Variants in LRP1B observed in about 807,000 individuals in gnomAD.
The protein encoded by LRP1B is low-density lipoprotein receptor-related protein 1B.
LRP1B carries 217 observed loss-of-function variants against 556.6 expected under a neutral mutation model. The ratio of observed to expected loss-of-function variants is 0.39; its 90% CI spans 0.35 to 0.44. The LOEUF (loss-of-function observed/expected upper bound fraction) is 0.44. LRP1B is among the 20% of genes least tolerant of loss of function. The probability of loss-of-function intolerance (pLI) is 1.00; values close to 1 mark genes in which losing one functional copy is unlikely to be tolerated. For missense variants in LRP1B, 5,053 were observed against 5,620.8 expected, an observed-to-expected ratio of 0.90 and a Z score of 3.23; for synonymous variants, 2,047 against 1,865.8, an observed-to-expected ratio of 1.10 and a Z score of -2.50.
At chr2:140,686,657 G>A (rs1015261916) in intron 41 of LRP1B, among the ~76,000 whole-genome samples, 4 of 151,916 alleles carry the variant, frequency 2.6e-5, no homozygotes, top group Admixed American at 6.6e-5. Flanking sequence ...CAACAGGAAT[G>A]TTTCATAAAT....
intron 84 of LRP1B, among the ~76,000 whole-genome samples, chr2:140,297,487 G>A (rs985458138): frequency 2.0e-5 from 3 of 152,070 alleles, no homozygotes; most frequent in Non-Finnish European, 4.4e-5. Flanking sequence ...GTCAATTCAG[G>A]AGAGATGGAG....
chr2:140,411,757 T>TAA (rs1396183017), intron 66 of LRP1B, among the ~76,000 whole-genome samples: 1 of 152,154 alleles, frequency 6.6e-6, no homozygotes, highest in Non-Finnish European at 1.5e-5. Context: ...CAATACCACC[T>TAA]AATTTAAAGG....
chr2:140,674,277 C>T (rs1390827475), intron 41 of LRP1B, among the ~76,000 whole-genome samples: 1 of 152,102 alleles, frequency 6.6e-6, no homozygotes, highest in East Asian at 1.9e-4. Flanking sequence ...TTGGAATGGT[C>T]CTGTAAACCT....
chr2:140,507,013 T>C, intron 52 of LRP1B, 95 bp from the exon 53 acceptor site: 1 of 1,276,200 alleles, frequency 7.8e-7, no homozygotes, highest in Non-Finnish European at 1.1e-6. Context: ...TCATATCCAA[T>C]AATTCATAGT....
chr2:142,005,635 A>G (rs1574584858), intron 1 of LRP1B, among the ~76,000 whole-genome samples: 1 of 152,320 alleles, frequency 6.6e-6, no homozygotes, highest in South Asian at 2.1e-4. Context: ...ATAAATGTGA[A>G]TCTCAGCACC....
Position 140,903,107 on chromosome 2 carries a change from T to C in LRP1B, c.3579A>G (p.Arg1193=). The change falls in exon 23 of 91, where the codon AGA becomes AGG. Residue 1193 remains arginine, a synonymous_variant. Transcript: ENST00000389484. ...CSNHCSVVPG[R]GIVCSCPEGL... is the part of the protein sequence containing the mutation. ...CTTCAGGGCAGGAACAGACAATTCC[T>C]CTTCCAGGAACAACAGAACAGTGGT... 1 of 1,613,578 alleles carries C rather than the reference T, an allele frequency of 6.2e-7. No individual in the cohort carries two copies. Among genetic ancestry groups the C allele is most frequent in the Non-Finnish European group, 8.5e-7 (1 of 1,179,700 alleles).
At chr2:140,733,714 G>T (rs540071129) in intron 35 of LRP1B, among the ~76,000 whole-genome samples, 1 of 152,050 alleles carries the variant, frequency 6.6e-6, no homozygotes, top group Non-Finnish European at 1.5e-5. Flanking sequence ...GAGGATAGGC[G>T]GGCAGGAATA....
At chr2:140,294,146 G>C (rs1314206158) in intron 84 of LRP1B, among the ~76,000 whole-genome samples, 2 of 152,066 alleles carry the variant, frequency 1.3e-5, no homozygotes, top group Non-Finnish European at 1.5e-5. Context: ...TAAGAATACT[G>C]TTGTTTCAAC....
rs547776138 is a variant in LRP1B at position 141,169,584 on chromosome 2, G to A, written c.1013+18837C>T. On this transcript the variant is annotated intron_variant, in intron 7 of 90. Coordinates refer to ENST00000389484, the MANE Select transcript of LRP1B (RefSeq NM_018557.3). ...AGATACAGAAATTATGAGGGCAATAGCGACAGAATTAAAGTTCCCGTGTAG... is the reference window on the plus strand; with the variant it reads ...AGATACAGAAATTATGAGGGCAATAACGACAGAATTAAAGTTCCCGTGTAG... Among the ~76,000 whole-genome samples, 34 of 151,632 alleles carry A rather than the reference G, an allele frequency of 2.2e-4. 1 individual carries two copies. The South Asian group carries it at 7.1e-3, about 31-fold the overall frequency.
chr2:140,860,560 A>G (rs1034677260), intron 27 of LRP1B, among the ~76,000 whole-genome samples: 1 of 152,228 alleles, frequency 6.6e-6, no homozygotes, highest in African/African-American at 2.4e-5. Flanking sequence ...TTCTGTTTAC[A>G]TGAAAAATAA....
chr2:140,299,496 G>T (rs1322280700), intron 83 of LRP1B, among the ~76,000 whole-genome samples: 1 of 151,966 alleles, frequency 6.6e-6, no homozygotes, highest in African/African-American at 2.4e-5. Context: ...TTTTATATAC[G>T]TTAAACGCTG....
chr2:140,579,856 A>G (rs1358395794), intron 43 of LRP1B, among the ~76,000 whole-genome samples: 1 of 152,150 alleles, frequency 6.6e-6, no homozygotes, highest in Admixed American at 6.5e-5. Flanking sequence ...AATAATAATA[A>G]AATAAAATAA....
At chr2:141,826,467 C>T (rs1696932046) in intron 1 of LRP1B, among the ~76,000 whole-genome samples, 1 of 146,300 alleles carries the variant, frequency 6.8e-6, no homozygotes, top group East Asian at 2.1e-4. Context: ...TCACGCCATT[C>T]TCCTGCCTCA....
chr2:140,963,937 A>G (rs1011479577), intron 18 of LRP1B, among the ~76,000 whole-genome samples: 6 of 152,168 alleles, frequency 3.9e-5, no homozygotes, highest in Non-Finnish European at 5.9e-5. Context: ...AGATAAACAG[A>G]TAAGAGAAAA....
chr2:140,453,013 G>A (rs575437956), intron 62 of LRP1B, among the ~76,000 whole-genome samples: 1 of 139,044 alleles, frequency 7.2e-6, no homozygotes, highest in South Asian at 2.4e-4. Context: ...TATCTTTATA[G>A]ATAGTGACTG....
chr2:140,325,627 A>G, intron 80 of LRP1B, 135 bp downstream of exon 80: 1 of 553,330 alleles, frequency 1.8e-6, no homozygotes, highest in South Asian at 3.4e-5. Flanking sequence ...ATTACTAGTA[A>G]GCCTTATAAG....
intron 41 of LRP1B, among the ~76,000 whole-genome samples, chr2:140,667,980 A>G (rs1423712514): frequency 6.6e-6 from 1 of 152,200 alleles, no homozygotes; most frequent in East Asian, 1.9e-4. Context: ...AATACACATG[A>G]AAACTGAAAA....
At chr2:141,865,347 C>T (rs1271407710) in intron 1 of LRP1B, among the ~76,000 whole-genome samples, 2 of 151,952 alleles carry the variant, frequency 1.3e-5, no homozygotes, top group Non-Finnish European at 2.9e-5. Flanking sequence ...AATCCCAGCA[C>T]TTTGGGAGGC....
intron 27 of LRP1B, among the ~76,000 whole-genome samples, chr2:140,859,577 T>TA (rs958043596): frequency 1.2e-4 from 18 of 151,930 alleles, no homozygotes; most frequent in East Asian, 9.6e-4. Flanking sequence ...AGTGGGATTT[T>TA]AAAAAAAATG....
Sources: allele counts gnomAD v4.1 joint callset (sites outside exome capture counted in the v4.1 genomes callset), GRCh38; gene constraint gnomAD v4.1.1; transcripts MANE v1.5; gene names NCBI Gene and HGNC (gene_info 2026-07-23, HGNC 2026-07-21).